Variants in ZNF609 observed in about 807,000 individuals in gnomAD.
ZNF609 encodes the protein zinc finger protein 609.
A neutral mutation model predicts 109.5 loss-of-function variants in ZNF609; 11 were observed. That is an observed-to-expected ratio of 0.10 (90% confidence interval 0.06 to 0.17). The LOEUF (loss-of-function observed/expected upper bound fraction) is 0.17, where lower values mean the gene tolerates loss of function less well. ZNF609 is among the 10% of genes least tolerant of loss of function. The pLI, the probability that ZNF609 is intolerant of heterozygous loss-of-function variation, is 1.00. For missense variants in ZNF609, 1,559 were observed against 1,772.4 expected (o/e 0.88, Z 2.16); for synonymous variants, 646 against 662.0 (o/e 0.98, Z 0.37).
intron 2 of ZNF609, chr15:64,502,773 A>T (rs1566999434): frequency 6.6e-6 from 1 of 152,214 alleles, no homozygotes; most frequent in Non-Finnish European, 1.5e-5. Flanking sequence ...AGATTTGAAT[A>T]TTGAAATTAC....
rs1362008470 is a variant in ZNF609, at chr15:64,460,851, C to A, written c.-128+13C>A. 1 of 141,852 alleles carries A rather than the reference C, an allele frequency of 7.0e-6. No homozygotes were observed. The highest frequency in any genetic ancestry group is 1.5e-5 in the Non-Finnish European group (1 of 65,792). 8.8% of individuals were successfully genotyped at this position (141,852 alleles called of 1,614,324 possible). A position where few individuals can be genotyped will look rare whatever the true frequency, so the allele number is the denominator to read the frequency against. ...GACCGGCCGCGCGGTGAGTCCGGAG[C>A]TTTGTGTGGAGCCGGGACTGGGGGA... On this transcript the variant is annotated intron_variant, in intron 1 of 9. Coordinates refer to ENST00000326648, the MANE Select transcript of ZNF609 (RefSeq NM_015042.2).
chr15:64,618,690 ACT>A (rs1419458123), intron 2 of ZNF609, among the ~76,000 whole-genome samples: 2 of 151,412 alleles, frequency 1.3e-5, no homozygotes, highest in African/African-American at 4.9e-5. Context: ...CCCCAGCCAA[ACT>A]CTGCTTCGTT....
At chr15:64,668,276 C>G (rs1009155734) in intron 3 of ZNF609, among the ~76,000 whole-genome samples, 1 of 152,258 alleles carries the variant, frequency 6.6e-6, no homozygotes, top group East Asian at 1.9e-4. Context: ...CTATTCCTCC[C>G]CTAAATACAA....
intron 3 of ZNF609, among the ~76,000 whole-genome samples, chr15:64,632,295 T>A (rs1595746699): frequency 6.6e-6 from 1 of 150,772 alleles, no homozygotes; most frequent in South Asian, 2.1e-4. Context: ...GTTCAAGCAA[T>A]CCTCCCGCCT....
chr15:64,646,314 C>T (rs1452600148), intron 3 of ZNF609, among the ~76,000 whole-genome samples: 2 of 151,726 alleles, frequency 1.3e-5, no homozygotes, highest in African/African-American at 4.8e-5. Flanking sequence ...GGCAACATAG[C>T]AAGACTGCAT....
chr15:64,527,473 AATT>A (rs1893984141), intron 2 of ZNF609, among the ~76,000 whole-genome samples: 1 of 151,904 alleles, frequency 6.6e-6, no homozygotes, highest in Non-Finnish European at 1.5e-5. Flanking sequence ...TCTCTTACAC[AATT>A]ATTATTTCAA....
chr15:64,595,222 G>A (rs551453155), intron 2 of ZNF609, among the ~76,000 whole-genome samples: 20 of 151,952 alleles, frequency 1.3e-4, no homozygotes, highest in Non-Finnish European at 2.5e-4. Context: ...TTAGCCGGGC[G>A]TGGTGGTGGG....
chr15:64,681,439 A>T, intron 9 of ZNF609, 52 bp downstream of exon 9: 1 of 1,465,786 alleles, frequency 6.8e-7, no homozygotes, highest in East Asian at 2.3e-5. Context: ...GATAGTTGCT[A>T]CCTGGATCAC....
At chr15:64,543,448 T>G (rs1356258160) in intron 2 of ZNF609, among the ~76,000 whole-genome samples, 1 of 144,494 alleles carries the variant, frequency 6.9e-6, no homozygotes, top group African/African-American at 2.5e-5. Flanking sequence ...GTTTTTTGCT[T>G]TTTTTTTTTT....
chr15:64,558,603 G>A (rs1894627799), intron 2 of ZNF609, among the ~76,000 whole-genome samples: 3 of 152,156 alleles, frequency 2.0e-5, no homozygotes, highest in Non-Finnish European at 2.9e-5. Flanking sequence ...TGTTGCCACA[G>A]ATTCCTGTGC....
At chr15:64,484,764 A>G (rs900863926) in intron 1 of ZNF609, among the ~76,000 whole-genome samples, 1 of 149,720 alleles carries the variant, frequency 6.7e-6, no homozygotes, top group Non-Finnish European at 1.5e-5. Flanking sequence ...TCATGAGGTC[A>G]TGAGATCGAG....
intron 2 of ZNF609, among the ~76,000 whole-genome samples, chr15:64,572,964 C>G (rs1476529882): frequency 6.6e-6 from 1 of 152,144 alleles, no homozygotes; most frequent in Non-Finnish European, 1.5e-5. Context: ...ACGCGGGACA[C>G]GTAGTTCGGC....
intron 2 of ZNF609, among the ~76,000 whole-genome samples, chr15:64,538,660 C>T (rs1894193987): frequency 6.6e-6 from 1 of 152,056 alleles, no homozygotes; most frequent in Admixed American, 6.6e-5. Context: ...GATTCTCTTG[C>T]CTCAGCCTCC....
In ZNF609 at chr15:64,684,946, C is replaced by T. The variant is rs4402501; in HGVS notation, c.*3260C>T. 0.014 allele frequency: 2,214 copies of T among 152,844 alleles called. 24 individuals carry two copies. Among genetic ancestry groups the T allele is most frequent in the Middle Eastern group, 0.037 (11 of 296 alleles). The allele number at this position is 152,844 out of a possible 1,614,324, so 9.5% of individuals were successfully genotyped here. A position where few individuals can be genotyped will look rare whatever the true frequency, so the allele number is the denominator to read the frequency against. On this transcript the variant is annotated 3_prime_UTR_variant, in exon 10 of 10. Coordinates refer to ENST00000326648, the MANE Select transcript of ZNF609 (RefSeq NM_015042.2). Reference sequence around the variant, plus strand: ...CCCCCTCCTGGGATCAAGCCCCTCCCAGGCCCTGTCCCCAGCCCCTCCTGC... The same window carrying T: ...CCCCCTCCTGGGATCAAGCCCCTCCTAGGCCCTGTCCCCAGCCCCTCCTGC...
At chr15:64,505,921 G>A (rs549671289) in intron 2 of ZNF609, among the ~76,000 whole-genome samples, 2 of 152,174 alleles carry the variant, frequency 1.3e-5, no homozygotes, top group East Asian at 1.9e-4. Context: ...GCAGTAGTGA[G>A]CTGTGATCGC....
intron 1 of ZNF609, among the ~76,000 whole-genome samples, chr15:64,475,780 C>G (rs72741345): frequency 6.6e-6 from 1 of 152,102 alleles, no homozygotes. Context: ...TCCTCTGTTC[C>G]GTAAACTCTT....
chr15:64,643,033 C>T (rs529297650), intron 3 of ZNF609, among the ~76,000 whole-genome samples: 2 of 152,100 alleles, frequency 1.3e-5, no homozygotes, highest in Non-Finnish European at 2.9e-5. Flanking sequence ...GAGGAAATAG[C>T]GCTCATAAAT....
At chr15:64,592,336 G>A (rs1279120506) in intron 2 of ZNF609, among the ~76,000 whole-genome samples, 5 of 152,112 alleles carry the variant, frequency 3.3e-5, no homozygotes, top group Non-Finnish European at 1.5e-5. Flanking sequence ...CAGCACTTTG[G>A]GAGGCCAAGG....
intron 1 of ZNF609, among the ~76,000 whole-genome samples, chr15:64,494,602 G>T (rs1056406895): frequency 6.6e-6 from 1 of 151,990 alleles, no homozygotes; most frequent in Non-Finnish European, 1.5e-5. Context: ...GTGCAATGGT[G>T]CAATCTCAGC....
Sources: gnomAD v4.1 joint callset for allele counts (sites outside exome capture counted in the v4.1 genomes callset) on GRCh38, gnomAD v4.1.1 for gene constraint, MANE v1.5 for transcripts, NCBI Gene and HGNC (gene_info 2026-07-23, HGNC 2026-07-21) for gene names.